Variants in PATJ observed in about 807,000 individuals in gnomAD.
PATJ encodes the protein PATJ crumbs cell polarity complex component.
A neutral mutation model predicts 224.9 loss-of-function variants in PATJ; 190 were observed. That is an observed-to-expected ratio of 0.84 (90% CI 0.75 to 0.95). The LOEUF is 0.95. Among genes scored for constraint, PATJ ranks in the 40% least tolerant of loss-of-function variants. PATJ has a pLI of 0.00. For missense variants in PATJ, 2,121 were observed against 2,270.3 expected, an observed-to-expected ratio of 0.93 and a Z score of 1.34; for synonymous variants, 769 against 820.3, an observed-to-expected ratio of 0.94 and a Z score of 1.07.
intron 14 of PATJ, among the ~76,000 whole-genome samples, chr1:61,817,205 A>G (rs1171346800): frequency 2.0e-5 from 3 of 152,364 alleles, no homozygotes; most frequent in Non-Finnish European, 2.9e-5. Flanking sequence ...TCAAGTATCA[A>G]AAATTCAGAT....
At chr1:61,789,310 AT>A (rs66687206) in intron 8 of PATJ, among the ~76,000 whole-genome samples, 12,443 of 151,968 alleles carry the variant, frequency 0.082, 632 homozygotes, top group Non-Finnish European at 0.12. Context: ...TATTAAAAAA[AT>A]AAATAAATAA....
chr1:62,087,618 G>A (rs1246463889), intron 33 of PATJ, among the ~76,000 whole-genome samples: 1 of 151,706 alleles, frequency 6.6e-6, no homozygotes, highest in African/African-American at 2.4e-5. Flanking sequence ...ATGTTTGCTG[G>A]TCATGGTCCT....
intron 22 of PATJ, among the ~76,000 whole-genome samples, chr1:61,899,086 A>G (rs1041439274): frequency 6.6e-6 from 1 of 152,194 alleles, no homozygotes; most frequent in African/African-American, 2.4e-5. Flanking sequence ...TAAGTAACTG[A>G]AAAGTTCCAT....
intron 22 of PATJ, among the ~76,000 whole-genome samples, chr1:61,886,533 T>G (rs1294781041): frequency 6.6e-6 from 1 of 152,024 alleles, no homozygotes; most frequent in East Asian, 1.9e-4. Flanking sequence ...AAAATCCTGG[T>G]CATGGGCTGG....
rs185665001 is a variant in PATJ at position 61,774,428 on chromosome 1, T to C, written c.721-778T>C. Among the ~76,000 whole-genome samples the C allele has an allele frequency of 5.9e-5, 9 of 152,354 alleles. No homozygotes were observed. In the South Asian group the frequency reaches 6.2e-4, roughly 11 times the overall value. On this transcript the variant is annotated intron_variant, in intron 6 of 43. Coordinates refer to ENST00000642238, the MANE Select transcript of PATJ (RefSeq NM_001350145.3). The stretch of plus-strand genomic sequence containing the variant: ...CTGCTAGTTAGAGGGGAAACACTTA[T>C]GTCTTTTAGTCTGATTTGTATAGTC...
intron 22 of PATJ, among the ~76,000 whole-genome samples, chr1:61,891,148 G>GA (rs939892014): frequency 3.3e-5 from 5 of 151,328 alleles, no homozygotes; most frequent in African/African-American, 9.7e-5. Context: ...ATTTAAAATG[G>GA]AAAAAAAAAT....
intron 26 of PATJ, among the ~76,000 whole-genome samples, chr1:61,916,949 C>T (rs376119067): frequency 9.9e-5 from 15 of 152,242 alleles, no homozygotes; most frequent in African/African-American, 2.9e-4. Flanking sequence ...CTGGGTACGT[C>T]GGCTGATCCA....
rs530046044 is a variant in PATJ, at chr1:61,906,200, G to A, written c.3382-2172G>A. ...GCATAGGGCAAAGTATGCAGAGGAG[G>A]GCACAGAGCATCCACACTCTGGGTA... On this transcript the variant is annotated intron_variant, in intron 24 of 43. Transcript: ENST00000642238. 4.6e-5 allele frequency among the ~76,000 whole-genome samples: 7 copies of A among 152,246 alleles called. No homozygotes were observed. The South Asian group carries it at 1.5e-3, about 32-fold the overall frequency.
intron 42 of PATJ, among the ~76,000 whole-genome samples, chr1:62,150,601 C>G (rs1172901216): frequency 6.7e-6 from 1 of 148,180 alleles, no homozygotes; most frequent in Non-Finnish European, 1.5e-5. Flanking sequence ...CACTTGAACC[C>G]AGGAGTTTGA....
chr1:61,770,691 C>T (rs1646549784), intron 5 of PATJ, among the ~76,000 whole-genome samples: 1 of 151,934 alleles, frequency 6.6e-6, no homozygotes, highest in Non-Finnish European at 1.5e-5. Flanking sequence ...GCTGTAATCC[C>T]AGCACTTTGG....
At chr1:62,006,256 A>G (rs958816682) in intron 28 of PATJ, among the ~76,000 whole-genome samples, 8 of 152,194 alleles carry the variant, frequency 5.3e-5, no homozygotes, top group Non-Finnish European at 7.3e-5. Flanking sequence ...CTGGGATTAC[A>G]GGCGCATGCC....
At chr1:62,033,430 A>G (rs1211751330) in intron 29 of PATJ, among the ~76,000 whole-genome samples, 5 of 152,184 alleles carry the variant, frequency 3.3e-5, no homozygotes, top group Non-Finnish European at 7.3e-5. Context: ...ATGTCAGCAG[A>G]AGGGAATTCT....
At chr1:61,762,722 T>G in intron 1 of PATJ, 136 bp from the exon 2 acceptor site, 2 of 463,616 alleles carry the variant, frequency 4.3e-6, no homozygotes, top group Non-Finnish European at 3.9e-6. Context: ...TGGCACCTCA[T>G]TGTGGTTATA....
At chr1:62,005,309 C>G (rs1351027076) in intron 28 of PATJ, among the ~76,000 whole-genome samples, 1 of 151,888 alleles carries the variant, frequency 6.6e-6, no homozygotes, top group African/African-American at 2.4e-5. Flanking sequence ...ATCCACCCAC[C>G]TTGGCTTCCC....
chr1:61,752,236 C>T (rs543332647), intron 1 of PATJ, among the ~76,000 whole-genome samples: 1 of 149,720 alleles, frequency 6.7e-6, no homozygotes, highest in South Asian at 2.1e-4. Flanking sequence ...CATTGGTTAA[C>T]TTTGAATAGT....
In PATJ at chr1:61,771,555, G is replaced by T. The variant is rs1397802350; in HGVS notation, c.649G>T (p.Val217Leu). ...AACCACTGGATCTTTGAGACTGATT[G>T]TGGCCAGGGAACCAGTCCACACAAA... is the stretch of plus-strand genomic sequence containing the variant. ...QQTTGSLRLI[V>L]AREPVHTKSS... is the part of the protein sequence containing the mutation. The change falls in exon 6 of 44, where the codon GTG becomes TTG. Residue 217 changes from valine (V) to leucine (L), a missense_variant. By Grantham distance (32) the Val-to-Leu change is conservative (BLOSUM62 1). Coordinates refer to ENST00000642238, the MANE Select transcript of PATJ (RefSeq NM_001350145.3). 3.1e-6 allele frequency: 5 copies of T among 1,613,352 alleles called. No individual in the cohort carries two copies. In the African/African-American group the frequency reaches 6.7e-5, roughly 22 times the overall value.
chr1:62,118,139 A>C (rs1226798906), intron 37 of PATJ, among the ~76,000 whole-genome samples: 1 of 152,136 alleles, frequency 6.6e-6, no homozygotes, highest in African/African-American at 2.4e-5. Flanking sequence ...GGCTTGTCTT[A>C]GGGAATCTTC....
chr1:61,841,456 A>G (rs1344243600), intron 17 of PATJ, among the ~76,000 whole-genome samples: 2 of 152,224 alleles, frequency 1.3e-5, no homozygotes, highest in Admixed American at 1.3e-4. Flanking sequence ...GTAACACTAT[A>G]AAGTCAGGTA....
chr1:61,882,321 G>C (rs1668216349), intron 21 of PATJ, among the ~76,000 whole-genome samples: 1 of 152,134 alleles, frequency 6.6e-6, no homozygotes, highest in Non-Finnish European at 1.5e-5. Flanking sequence ...AAAACATTTG[G>C]GATATGGCTG....
Sources: allele counts gnomAD v4.1 joint callset (sites outside exome capture counted in the v4.1 genomes callset), GRCh38; gene constraint gnomAD v4.1.1; transcripts MANE v1.5; gene names NCBI Gene and HGNC (gene_info 2026-07-23, HGNC 2026-07-21).